Variants in SNX29 observed in about 807,000 individuals in gnomAD.
SNX29 encodes the protein sorting nexin 29.
A neutral mutation model predicts 102.1 loss-of-function variants in SNX29; 78 were observed. The observed-to-expected ratio is 0.76, with a 90% CI of 0.64 to 0.92. The LOEUF (loss-of-function observed/expected upper bound fraction) is 0.92. Among genes scored for constraint, SNX29 ranks in the 40% least tolerant of loss-of-function variants. The probability of loss-of-function intolerance (pLI) is 0.00; values close to 1 mark genes in which losing one functional copy is unlikely to be tolerated. For missense variants in SNX29, 1,280 were observed against 1,061.7 expected (o/e 1.21, Z -2.86); for synonymous variants, 580 against 414.5 (o/e 1.40, Z -4.85).
chr16:12,052,062 A>G lies in SNX29; in HGVS notation c.964A>G (p.Asn322Asp), dbSNP rs2050328980. 3 of 1,613,874 alleles carry G rather than the reference A, an allele frequency of 1.9e-6. No individual in the cohort carries two copies. The Admixed American group carries it at 5.0e-5, about 27-fold the overall frequency. The change falls in exon 8 of 21, where the codon AAC becomes GAC. Residue 322 changes from asparagine (N) to aspartate (D), a missense_variant. Physicochemically the swap from Asn to Asp is conservative, Grantham distance 23. Coordinates refer to ENST00000566228, the MANE Select transcript of SNX29 (RefSeq NM_032167.5). ...TAACTCCAATGGAAGTCAGAGCAGC[A>G]ACTCATGGAAAATTGATTCCCTGTC... ...GPNSNGSQSS[N>D]SWKIDSLSLN...
At chr16:12,467,713 A>G (rs2087125912) in intron 18 of SNX29, among the ~76,000 whole-genome samples, 1 of 151,896 alleles carries the variant, frequency 6.6e-6, no homozygotes, top group African/African-American at 2.4e-5. Context: ...CTGGGAATAT[A>G]TACTGAGTGT....
rs1358709043 is a variant in SNX29 at position 12,572,572 on chromosome 16, G to A, written c.*3943G>A. ...ATCTGGCTCCTCACAGGGAGGTCCA[G>A]CCATGTTCTCTGGGCTCCCAGTGAG... On this transcript the variant is annotated 3_prime_UTR_variant, in exon 21 of 21. Coordinates refer to ENST00000566228, the MANE Select transcript of SNX29 (RefSeq NM_032167.5). 9.4e-7 allele frequency: 1 copy of A among 1,064,052 alleles called. No individual in the cohort carries two copies. The highest frequency in any genetic ancestry group is 5.3e-5 in the Admixed American group (1 of 18,712). 65.9% of individuals were successfully genotyped at this position (1,064,052 alleles called of 1,614,324 possible). A position where few individuals can be genotyped will look rare whatever the true frequency, so the allele number is the denominator to read the frequency against.
At chr16:12,044,740 G>C (rs1188409965) in intron 5 of SNX29, among the ~76,000 whole-genome samples, 1 of 152,110 alleles carries the variant, frequency 6.6e-6, no homozygotes, top group Non-Finnish European at 1.5e-5. Flanking sequence ...CACCATGCCT[G>C]GTTAATTTTT....
intron 19 of SNX29, among the ~76,000 whole-genome samples, chr16:12,520,008 T>TAAC (rs201204794): frequency 6.6e-6 from 1 of 150,588 alleles, no homozygotes; most frequent in Non-Finnish European, 1.5e-5. Context: ...AAAATAAAAA[T>TAAC]AATAATAATA....
At chr16:12,199,831 CA>C (rs1429415102) in intron 14 of SNX29, 148 bp downstream of exon 14, 4 of 676,420 alleles carry the variant, frequency 5.9e-6, no homozygotes, top group Non-Finnish European at 1.0e-5. Context: ...GAAAATTAAT[CA>C]GGTGGAAAAC....
intron 16 of SNX29, among the ~76,000 whole-genome samples, chr16:12,365,706 C>G (rs1271876114): frequency 6.9e-6 from 1 of 144,104 alleles, no homozygotes; most frequent in Non-Finnish European, 1.5e-5. Flanking sequence ...AAAAAAAAGG[C>G]TCTTTGGAAA....
chr16:12,478,789 C>T (rs1345788323), intron 19 of SNX29, among the ~76,000 whole-genome samples: 27 of 152,196 alleles, frequency 1.8e-4, no homozygotes, highest in Admixed American at 1.8e-3. Context: ...CTACCTCCAT[C>T]CCCATTCTGA....
At chr16:12,037,259 A>T (rs2057501753) in intron 4 of SNX29, among the ~76,000 whole-genome samples, 1 of 152,156 alleles carries the variant, frequency 6.6e-6, no homozygotes, top group African/African-American at 2.4e-5. Context: ...CGTTCCAGGA[A>T]CACCATGCTT....
Position 12,490,907 on chromosome 16 carries a change from C to T in SNX29, c.2178+13048C>T, listed in dbSNP as rs147869978. 3.0e-3 allele frequency among the ~76,000 whole-genome samples: 464 copies of T among 152,350 alleles called. 4 individuals are homozygous for T. Among genetic ancestry groups the T allele is most frequent in the African/African-American group, 0.011 (444 of 41,584 alleles). On this transcript the variant is annotated intron_variant, in intron 19 of 20. Coordinates refer to ENST00000566228, the MANE Select transcript of SNX29 (RefSeq NM_032167.5). The stretch of plus-strand genomic sequence containing the variant: ...TGTAAATACAGCTAAACCCTCTTTG[C>T]ACCTTTTCTCCCAGAAGGGAACCAC...
chr16:12,232,442 C>T (rs573354139), intron 14 of SNX29, among the ~76,000 whole-genome samples: 28 of 152,324 alleles, frequency 1.8e-4, no homozygotes, highest in African/African-American at 6.7e-4. Flanking sequence ...ATCGCTTGAA[C>T]CCAGGAGGGT....
intron 14 of SNX29, among the ~76,000 whole-genome samples, chr16:12,215,086 A>G (rs1308029617): frequency 6.6e-6 from 1 of 152,178 alleles, no homozygotes; most frequent in African/African-American, 2.4e-5. Context: ...CCCAGTAATA[A>G]TAGCCAACAT....
chr16:12,419,820 C>T lies in SNX29; in HGVS notation c.2037+16291C>T, dbSNP rs139064833. Among the ~76,000 whole-genome samples the T allele has an allele frequency of 1.3e-4, 20 of 152,292 alleles. No individual in the cohort carries two copies. The East Asian group carries it at 2.1e-3, about 16-fold the overall frequency. ...TGCCTGGGTAGGTGTGATACTGGGT[C>T]GGTGTCGTGTACCTACTCCTAAAGC... On this transcript the variant is annotated intron_variant, in intron 18 of 20. Coordinates refer to ENST00000566228, the MANE Select transcript of SNX29 (RefSeq NM_032167.5).
intron 7 of SNX29, among the ~76,000 whole-genome samples, chr16:12,050,535 C>T (rs540872600): frequency 1.6e-4 from 24 of 152,182 alleles, no homozygotes; most frequent in African/African-American, 5.3e-4. Flanking sequence ...CAAGATGGCC[C>T]CATCCACGTG....
rs2082132841 is a variant in SNX29, at chr16:12,356,259, C to G, written c.1879C>G (p.Leu627Val). 2.5e-6 allele frequency: 4 copies of G among 1,609,754 alleles called. No individual in the cohort carries two copies. The highest frequency in any genetic ancestry group is 3.4e-6 in the Non-Finnish European group (4 of 1,178,306). ...CCTCGTGTCCCAGATGAGGCAGGAG[C>G]TCATCGATCTCCGGGGACCGGTGAG... ...EALVSQMRQE[L>V]IDLRGPVPGD... The change falls in exon 16 of 21, where the codon CTC becomes GTC. Residue 627 changes from leucine to valine, a missense_variant. Transcript: ENST00000566228.
intron 12 of SNX29, 53 bp downstream of exon 12, chr16:12,126,749 C>G: frequency 1.9e-6 from 3 of 1,592,132 alleles, no homozygotes; most frequent in Non-Finnish European, 2.6e-6. Context: ...CATTCTGCCT[C>G]TGGGGAAGAC....
At chr16:12,553,835 C>T (rs113395026) in intron 20 of SNX29, among the ~76,000 whole-genome samples, 37 of 151,838 alleles carry the variant, frequency 2.4e-4, no homozygotes, top group African/African-American at 8.7e-4. Flanking sequence ...ATCCACCCAC[C>T]TAGGTCTACC....
intron 14 of SNX29, among the ~76,000 whole-genome samples, chr16:12,253,444 A>G (rs1392567297): frequency 6.6e-6 from 1 of 152,234 alleles, no homozygotes; most frequent in Non-Finnish European, 1.5e-5. Flanking sequence ...GATAATTGAT[A>G]TGGAACAAAA....
In SNX29 at chr16:11,976,765, CGGCGGCGGCGCGGCGCA is replaced by C. The variant is rs779335495; in HGVS notation, c.-38_-22del. The C allele has an allele frequency of 4.2e-5, 54 of 1,294,406 alleles. No individual in the cohort carries two copies. Among genetic ancestry groups the C allele is most frequent in the Non-Finnish European group, 5.0e-5 (51 of 1,015,036 alleles). 80.2% of individuals were successfully genotyped at this position (1,294,406 alleles called of 1,614,324 possible). A position where few individuals can be genotyped will look rare whatever the true frequency, so the allele number is the denominator to read the frequency against. On this transcript the variant is annotated 5_prime_UTR_variant, in exon 1 of 21. Transcript: ENST00000566228. ...AGCTCGGCAGCCGCAGAAGCGGCAG[CGGCGGCGGCGCGGCGCA>C]GGCACCGGCCCGGGGAGAGGCACCA...
chr16:11,993,907 G>T (rs2055954587), intron 1 of SNX29, among the ~76,000 whole-genome samples: 1 of 152,194 alleles, frequency 6.6e-6, no homozygotes, highest in Non-Finnish European at 1.5e-5. Flanking sequence ...GATCACCTGA[G>T]GTCAGGAGTT....
Sources: allele counts gnomAD v4.1 joint callset (sites outside exome capture counted in the v4.1 genomes callset), GRCh38; gene constraint gnomAD v4.1.1; transcripts MANE v1.5; gene names NCBI Gene and HGNC (gene_info 2026-07-23, HGNC 2026-07-21).